Variants in TENM3 observed in about 807,000 individuals in gnomAD.
TENM3 encodes the protein teneurin transmembrane protein 3.
A neutral mutation model predicts 255.1 loss-of-function variants in TENM3; 63 were observed. The ratio of observed to expected loss-of-function variants is 0.25; its 90% CI spans 0.20 to 0.30. The LOEUF is 0.30. Ranked by LOEUF, TENM3 falls within the 10% of genes least tolerant of loss-of-function variation. The pLI is 1.00. For missense variants in TENM3, 2,929 were observed against 3,461.1 expected (o/e 0.85, Z 3.86); for synonymous variants, 1,306 against 1,322.3 (o/e 0.99, Z 0.27).
chr4:182,116,459 C>T, the TENM3 span, among the ~76,000 whole-genome samples: 1 of 152,006 alleles, frequency 6.6e-6, no homozygotes, highest in Non-Finnish European at 1.5e-5. Context: ...GGGGTGGTTC[C>T]CCCATGCTGT....
intron 2 of TENM3, among the ~76,000 whole-genome samples, chr4:182,327,131 G>A (rs1763464949): frequency 6.6e-6 from 1 of 152,080 alleles, no homozygotes; most frequent in South Asian, 2.1e-4. Flanking sequence ...CATTTTCTTT[G>A]AACCTGACAA....
chr4:182,533,716 C>A (rs901721720), intron 3 of TENM3, among the ~76,000 whole-genome samples: 1 of 151,946 alleles, frequency 6.6e-6, no homozygotes, highest in Non-Finnish European at 1.5e-5. Context: ...GAGTTCGAGA[C>A]CAGCCTGGCC....
At chr4:182,249,367 C>T (rs1287946374) in intron 1 of TENM3, among the ~76,000 whole-genome samples, 1 of 152,310 alleles carries the variant, frequency 6.6e-6, no homozygotes, top group African/African-American at 2.4e-5. Context: ...ATCCCCAAAT[C>T]TATGACTTAC....
chr4:182,183,766 T>G (rs1042022174), intron 1 of TENM3, among the ~76,000 whole-genome samples: 1 of 152,202 alleles, frequency 6.6e-6, no homozygotes, highest in African/African-American at 2.4e-5. Flanking sequence ...TAGATCATAT[T>G]ATATTAATAC....
At chr4:182,448,973 G>A in intron 3 of TENM3, 2 of 395,646 alleles carry the variant, frequency 5.1e-6, no homozygotes, top group East Asian at 1.4e-4. Flanking sequence ...GCCGCCGCGC[G>A]CAGCCCGAGC....
the TENM3 span, among the ~76,000 whole-genome samples, chr4:181,689,156 G>T: frequency 1.3e-5 from 2 of 152,184 alleles, no homozygotes; most frequent in African/African-American, 4.8e-5. Context: ...AGAACCCCCT[G>T]CCTGGATGGC....
chr4:181,536,642 G>C, the TENM3 span, among the ~76,000 whole-genome samples: 1 of 152,132 alleles, frequency 6.6e-6, no homozygotes, highest in Admixed American at 6.5e-5. Context: ...TTTCTACCAC[G>C]TCATTAGTTC....
chr4:181,603,969 G>A, the TENM3 span, among the ~76,000 whole-genome samples: 1 of 152,284 alleles, frequency 6.6e-6, no homozygotes, highest in Admixed American at 6.5e-5. Context: ...GGCCTGATTA[G>A]ATATCTGAAT....
intron 1 of TENM3, among the ~76,000 whole-genome samples, chr4:182,295,199 GACACAGTGTTGCATTT>G (rs1449997013): frequency 6.7e-6 from 1 of 149,742 alleles, no homozygotes; most frequent in Non-Finnish European, 1.5e-5. Context: ...GATGATATAA[GACACAGTGTTGCATTT>G]ACTCGGAATA....
At chr4:181,579,932 CAATTT>C in the TENM3 span, among the ~76,000 whole-genome samples, 1 of 148,850 alleles carries the variant, frequency 6.7e-6, no homozygotes, top group Non-Finnish European at 1.5e-5. Context: ...GAAGTACCTA[CAATTT>C]TATTTTATTT....
At chr4:182,361,242 G>A (rs542261539) in intron 3 of TENM3, among the ~76,000 whole-genome samples, 6 of 152,236 alleles carry the variant, frequency 3.9e-5, no homozygotes, top group Admixed American at 3.9e-4. Flanking sequence ...GGCGTTCTCT[G>A]TATTTCCTGA....
intron 18 of TENM3, 131 bp downstream of exon 18, chr4:182,738,675 A>G (rs1416776280): frequency 1.2e-5 from 8 of 655,818 alleles, no homozygotes; most frequent in Non-Finnish European, 1.9e-5. Context: ...GAAATGGCAG[A>G]AAAAAAATAA....
intron 11 of TENM3, among the ~76,000 whole-genome samples, chr4:182,684,591 G>C (rs1756432450): frequency 1.3e-5 from 2 of 152,144 alleles, no homozygotes; most frequent in South Asian, 4.1e-4. Flanking sequence ...AAATGAGCTA[G>C]TATGTGAAAA....
chr4:182,602,450 A>ACCCATTCTG (rs779790065), intron 4 of TENM3, among the ~76,000 whole-genome samples: 2 of 152,184 alleles, frequency 1.3e-5, no homozygotes, highest in Non-Finnish European at 2.9e-5. Flanking sequence ...TATGGTCTCA[A>ACCCATTCTG]CCCATTCTGC....
At chr4:181,531,824 G>A in the TENM3 span, among the ~76,000 whole-genome samples, 1 of 152,214 alleles carries the variant, frequency 6.6e-6, no homozygotes, top group Non-Finnish European at 1.5e-5. Context: ...TGCTGCTTAA[G>A]CAGAAAACTG....
chr4:181,471,649 T>G, the TENM3 span, among the ~76,000 whole-genome samples: 1 of 152,182 alleles, frequency 6.6e-6, no homozygotes, highest in Non-Finnish European at 1.5e-5. Flanking sequence ...TAGGAAGAGG[T>G]ACCCCATTGG....
chr4:182,362,854 C>T (rs1351550929), intron 3 of TENM3, among the ~76,000 whole-genome samples: 3 of 152,202 alleles, frequency 2.0e-5, no homozygotes, highest in Non-Finnish European at 4.4e-5. Context: ...TGTTCCTATT[C>T]GGCCATCTTG....
the TENM3 span, among the ~76,000 whole-genome samples, chr4:181,943,777 TAGCCTGATC>T: frequency 6.6e-6 from 1 of 152,190 alleles, no homozygotes; most frequent in Non-Finnish European, 1.5e-5. Flanking sequence ...AGCTTCATCA[TAGCCTGATC>T]AGCTGACACA....
At chr4:182,530,195 G>T (rs1484656547) in intron 3 of TENM3, among the ~76,000 whole-genome samples, 1 of 152,098 alleles carries the variant, frequency 6.6e-6, no homozygotes, top group Non-Finnish European at 1.5e-5. Context: ...AAAATATTAG[G>T]CATTGAAACT....
Sources: gnomAD v4.1 joint callset for allele counts (sites outside exome capture counted in the v4.1 genomes callset) on GRCh38, gnomAD v4.1.1 for gene constraint, MANE v1.5 for transcripts, NCBI Gene and HGNC (gene_info 2026-07-23, HGNC 2026-07-21) for gene names.